Variants in EZH2 observed in about 807,000 individuals in gnomAD.
EZH2 encodes the protein histone-lysine N-methyltransferase EZH2.
EZH2 carries 18 observed loss-of-function variants against 98.4 expected under a neutral mutation model. The observed-to-expected ratio is 0.18, with a 90% CI of 0.13 to 0.27. The LOEUF is 0.27. Ranked by LOEUF, EZH2 falls within the 10% of genes least tolerant of loss-of-function variation. The pLI, the probability that EZH2 is intolerant of heterozygous loss-of-function variation, is 1.00. For synonymous variants in EZH2, 338 were observed against 312.3 expected, an observed-to-expected ratio of 1.08 and a Z score of -0.87; for missense variants, 470 against 935.1, an observed-to-expected ratio of 0.50 and a Z score of 6.49.
intron 3 of EZH2, 94 bp from the exon 4 acceptor site, chr7:148,832,844 ATT>A: frequency 2.8e-6 from 2 of 707,362 alleles, no homozygotes; most frequent in South Asian, 2.6e-5. Flanking sequence ...CTACCCAAAT[ATT>A]TAATTTTGAA....
chr7:148,826,055 T>A lies in EZH2; in HGVS notation c.907+399A>T, dbSNP rs546544791. The stretch of plus-strand genomic sequence containing the variant: ...AAAATAAAATAAAATAAAATAAAAT[T>A]ACATTAAATCGACAAGCACTTACCT... On this transcript the variant is annotated intron_variant, in intron 8 of 19. Transcript: ENST00000320356. Among the ~76,000 whole-genome samples the A allele has an allele frequency of 2.6e-5, 4 of 152,270 alleles. No homozygotes were observed. The South Asian group carries it at 8.3e-4, about 32-fold the overall frequency.
At chr7:148,866,261 C>T (rs547091460) in intron 1 of EZH2, among the ~76,000 whole-genome samples, 1 of 152,036 alleles carries the variant, frequency 6.6e-6, no homozygotes, top group Admixed American at 6.6e-5. Flanking sequence ...GAAGGTGTCC[C>T]TCAAAAACTC....
chr7:148,823,850 C>T (rs1806895538), intron 8 of EZH2, among the ~76,000 whole-genome samples: 1 of 152,022 alleles, frequency 6.6e-6, no homozygotes, highest in Non-Finnish European at 1.5e-5. Context: ...AAACGTAAAC[C>T]ATGTGAATGA....
chr7:148,812,289 G>T (rs539980065), intron 15 of EZH2, among the ~76,000 whole-genome samples: 1 of 152,308 alleles, frequency 6.6e-6, no homozygotes, highest in South Asian at 2.1e-4. Flanking sequence ...ACCGGGAGGT[G>T]TTATCATGAT....
chr7:148,878,411 T>C (rs1017995617), intron 1 of EZH2, among the ~76,000 whole-genome samples: 1 of 152,378 alleles, frequency 6.6e-6, no homozygotes, highest in Non-Finnish European at 1.5e-5. Flanking sequence ...TCACTAAGCA[T>C]AATATTCTCC....
chr7:148,818,033 G>A lies in EZH2; in HGVS notation c.1084C>T (p.Arg362Trp), dbSNP rs1193491117. 1.9e-6 allele frequency: 3 copies of A among 1,614,088 alleles called. No individual in the cohort carries two copies. The highest frequency in any genetic ancestry group is 2.5e-6 in the Non-Finnish European group (3 of 1,180,032). ...GGCCTGCTACTGTTATTGGGAAGCC[G>A]TCCTCTTCTGCGGCCTCCTGGACGT... ...PKRPGGRRRG[R>W]LPNNSSRPST... The change falls in exon 10 of 20, where the codon CGG becomes TGG. Residue 362 changes from arginine to tryptophan, a missense_variant. This residue lies in a region of EZH2 where 192 missense variants were observed against 306.8 expected (regional missense o/e 0.63). Transcript: ENST00000320356.
chr7:148,840,593 G>C (rs1317465202), intron 3 of EZH2, among the ~76,000 whole-genome samples: 1 of 152,086 alleles, frequency 6.6e-6, no homozygotes, highest in African/African-American at 2.4e-5. Flanking sequence ...GAGAGAAAAA[G>C]ATAAAACTTT....
In EZH2 at chr7:148,811,700, A is replaced by T. The variant is rs1479718775; in HGVS notation, c.1872T>A (p.Ser624=). The T allele has an allele frequency of 6.2e-7, 1 of 1,612,854 alleles. No individual in the cohort carries two copies. The highest frequency in any genetic ancestry group is 1.1e-5 in the South Asian group (1 of 91,078). Residue 624 remains serine, a synonymous_variant, in exon 16 of 20, where the codon TCT becomes TCA. Coordinates refer to ENST00000320356, the MANE Select transcript of EZH2 (RefSeq NM_004456.5). ...GSKKHLLLAP[S]DVAGWGIFIK... is the part of the protein sequence containing the mutation. ...TAAAAATCCCCCAGCCTGCCACGTC[A>T]GATGGTGCCAGCAATAGATGCTAGA...
chr7:148,848,427 G>T (rs2129485747), intron 1 of EZH2, among the ~76,000 whole-genome samples: 1 of 152,246 alleles, frequency 6.6e-6, no homozygotes, highest in South Asian at 2.1e-4. Context: ...TGAAGAAGAA[G>T]GTGACTTTCT....
chr7:148,846,427 C>A, intron 3 of EZH2, 43 bp downstream of exon 3: 4 of 1,583,550 alleles, frequency 2.5e-6, no homozygotes, highest in African/African-American at 1.3e-5. Flanking sequence ...TAGCATAAAC[C>A]AAAAGATGAT....
chr7:148,840,441 A>AC (rs1812130423), intron 3 of EZH2, among the ~76,000 whole-genome samples: 1 of 152,108 alleles, frequency 6.6e-6, no homozygotes, highest in South Asian at 2.1e-4. Flanking sequence ...AATATTATTA[A>AC]CCTCCTAGTA....
At chr7:148,840,771 G>T (rs541827570) in intron 3 of EZH2, among the ~76,000 whole-genome samples, 1 of 152,232 alleles carries the variant, frequency 6.6e-6, no homozygotes, top group African/African-American at 2.4e-5. Flanking sequence ...GTAAATTTAA[G>T]TCAATCCCTA....
intron 3 of EZH2, among the ~76,000 whole-genome samples, chr7:148,844,616 G>A (rs897580614): frequency 1.3e-5 from 2 of 152,088 alleles, no homozygotes; most frequent in Admixed American, 6.5e-5. Context: ...GTGGTACTGT[G>A]GAAGTACTAA....
intron 1 of EZH2, among the ~76,000 whole-genome samples, chr7:148,878,424 C>T (rs111703716): frequency 6.6e-6 from 1 of 152,204 alleles, no homozygotes; most frequent in South Asian, 2.1e-4. Flanking sequence ...TATTCTCCAG[C>T]TCCATCCATG....
At chr7:148,865,497 G>C (rs1055475216) in intron 1 of EZH2, among the ~76,000 whole-genome samples, 1 of 152,182 alleles carries the variant, frequency 6.6e-6, no homozygotes, top group African/African-American at 2.4e-5. Flanking sequence ...TGCTGGACAA[G>C]TCTCTCAGAC....
At chr7:148,849,105 C>CT (rs958541016) in intron 1 of EZH2, among the ~76,000 whole-genome samples, 13 of 151,318 alleles carry the variant, frequency 8.6e-5, no homozygotes, top group East Asian at 7.7e-4. Flanking sequence ...ATGCAACCAT[C>CT]TTTTTTTTTC....
chr7:148,822,219 G>A (rs1252341743), intron 8 of EZH2, among the ~76,000 whole-genome samples: 2 of 152,154 alleles, frequency 1.3e-5, no homozygotes, highest in Non-Finnish European at 2.9e-5. Context: ...TTTAAAAAAT[G>A]TTTAAACTGA....
chr7:148,825,773 G>A (rs1282440008), intron 8 of EZH2, among the ~76,000 whole-genome samples: 1 of 152,026 alleles, frequency 6.6e-6, no homozygotes, highest in Non-Finnish European at 1.5e-5. Context: ...ACTATAATAA[G>A]CAAACTACTC....
chr7:148,839,281 T>C (rs989780719), intron 3 of EZH2, among the ~76,000 whole-genome samples: 2 of 152,070 alleles, frequency 1.3e-5, no homozygotes, highest in African/African-American at 2.4e-5. Flanking sequence ...TAAATAGTGT[T>C]GAAACAACCA....
Sources: allele counts gnomAD v4.1 joint callset (sites outside exome capture counted in the v4.1 genomes callset), GRCh38; gene constraint gnomAD v4.1.1; regional missense constraint gnomAD v4.1.1; transcripts MANE v1.5; gene names NCBI Gene and HGNC (gene_info 2026-07-23, HGNC 2026-07-21).